TEX15: variants seen among roughly 807,000 people sequenced by gnomAD.
The protein encoded by TEX15 is testis expressed 15, meiosis and synapsis associated, also known as testis-expressed protein 15.
In TEX15, 171 loss-of-function variants were observed where a neutral mutation model predicts 237.3. The ratio of observed to expected loss-of-function variants is 0.72; its 90% confidence interval spans 0.64 to 0.82. The LOEUF is 0.82. Among genes scored for constraint, TEX15 ranks in the 40% least tolerant of loss-of-function variants. The probability of loss-of-function intolerance (pLI) is 0.00; values close to 1 mark genes in which losing one functional copy is unlikely to be tolerated. For synonymous variants in TEX15, 1,338 were observed against 1,269.8 expected (o/e 1.05, Z -1.14); for missense variants, 3,750 against 3,646.5 (o/e 1.03, Z -0.73).
chr8:30,900,428 T>A (rs1165107415), intron 1 of TEX15, among the ~76,000 whole-genome samples: 1 of 152,228 alleles, frequency 6.6e-6, no homozygotes, highest in Admixed American at 6.5e-5. Context: ...ATTAGTAACA[T>A]GAAATATTTA....
chr8:30,910,329 C>T (rs1809191828), intron 1 of TEX15, among the ~76,000 whole-genome samples: 3 of 152,098 alleles, frequency 2.0e-5, no homozygotes, highest in South Asian at 2.1e-4. Context: ...TATACTAAAG[C>T]GGAAATTATC....
chr8:30,852,810 T>C (rs368260673), intron 7 of TEX15, among the ~76,000 whole-genome samples: 3 of 152,128 alleles, frequency 2.0e-5, no homozygotes, highest in East Asian at 3.9e-4. Flanking sequence ...CACTACCAAA[T>C]AGTTATTAGT....
At position 30,912,334 on chromosome 8, in the gene TEX15, T is replaced by TCATAGGAGGC. The variant is rs1440679200; in HGVS notation, c.-86+544_-86+545insGCCTCCTATG. ...AGTTGCGGTCCCGGGGCGGCGGGGC[T>TCATAGGAGGC]CCCGCCCCCTCCCCGCCCCCGCGGA... On this transcript the variant is annotated intron_variant, in intron 1 of 10. Transcript: ENST00000643185. Among the ~76,000 whole-genome samples, 877 of 150,844 alleles carry TCATAGGAGGC rather than the reference T, an allele frequency of 5.8e-3. 10 individuals carry two copies. The highest frequency in any genetic ancestry group is 9.8e-3 in the Non-Finnish European group (660 of 67,572).
chr8:30,864,986 TA>T (rs1445979394), intron 5 of TEX15, among the ~76,000 whole-genome samples: 1 of 151,788 alleles, frequency 6.6e-6, no homozygotes. Context: ...ATACTAAAAT[TA>T]AAAAGCAATG....
chr8:30,846,992 T>C lies in TEX15; in HGVS notation c.3175A>G (p.Ser1059Gly). ...TCTTCTAATTCTATTTCAATTTCACTTTCCAATTCAATGCTCTGAAGAACT... is the reference window on the plus strand; with the variant it reads ...TCTTCTAATTCTATTTCAATTTCACCTTCCAATTCAATGCTCTGAAGAACT... ...NLVLQSIELE[S>G]EIEIELEDCD... is the part of the protein sequence containing the mutation. The change falls in exon 8 of 11, where the codon AGT becomes GGT. Residue 1059 changes from serine to glycine, a missense_variant. Ser to Gly is a moderately conservative substitution (Grantham distance 56). Coordinates refer to ENST00000643185, the MANE Select transcript of TEX15 (RefSeq NM_001350162.2). The C allele has an allele frequency of 6.2e-7, 1 of 1,613,640 alleles. No individual in the cohort carries two copies. The highest frequency in any genetic ancestry group is 8.5e-7 in the Non-Finnish European group (1 of 1,179,670).
At chr8:30,875,531 G>A (rs1808382263) in intron 3 of TEX15, among the ~76,000 whole-genome samples, 1 of 152,218 alleles carries the variant, frequency 6.6e-6, no homozygotes, top group Non-Finnish European at 1.5e-5. Flanking sequence ...GAACATGTGT[G>A]TAAGATGCTG....
rs1292148198 is a variant in TEX15 at position 30,837,465 on chromosome 8, A to T, written c.8819T>A (p.Ile2940Asn). Residue 2940 changes from isoleucine to asparagine, a missense_variant, in exon 10 of 11, where the codon ATC becomes AAC. Ile to Asn is a moderately radical substitution (Grantham distance 149). Coordinates refer to ENST00000643185, the MANE Select transcript of TEX15 (RefSeq NM_001350162.2). ...AGTAGGAATTTTGTTCTGGATACAG[A>T]TGGGTTCTGGAGAAGTCATGCATGA... ...NSSCMTSPEPICIQNKIPTLQ... is the reference protein window; with the variant it reads ...NSSCMTSPEPNCIQNKIPTLQ... 2 of 1,614,096 alleles carry T rather than the reference A, an allele frequency of 1.2e-6. No homozygotes were observed. The highest frequency in any genetic ancestry group is 3.3e-5 in the Admixed American group (2 of 60,022).
intron 3 of TEX15, among the ~76,000 whole-genome samples, chr8:30,884,896 G>C (rs1396767702): frequency 6.6e-6 from 1 of 151,312 alleles, no homozygotes; most frequent in Non-Finnish European, 1.5e-5. Context: ...CTTTTTTCTA[G>C]TTTCCTAAGG....
chr8:30,851,070 C>T (rs1807773733), intron 7 of TEX15, among the ~76,000 whole-genome samples: 1 of 152,190 alleles, frequency 6.6e-6, no homozygotes, highest in Admixed American at 6.5e-5. Context: ...TGACAGTATT[C>T]ATCGATATGT....
chr8:30,907,245 G>T (rs1342751491), intron 1 of TEX15, among the ~76,000 whole-genome samples: 3 of 152,094 alleles, frequency 2.0e-5, no homozygotes, highest in Non-Finnish European at 4.4e-5. Flanking sequence ...AGCATCACAA[G>T]AGTCAAGTTC....
rs1267213416 is a variant in TEX15, at chr8:30,842,658, TG to T, written c.7508del (p.Thr2503LysfsTer8). 1 of 1,612,370 alleles carries T rather than the reference TG, an allele frequency of 6.2e-7. No individual in the cohort carries two copies. Among genetic ancestry groups the T allele is most frequent in the Non-Finnish European group, 8.5e-7 (1 of 1,179,840 alleles). On this transcript the variant is annotated frameshift_variant, in exon 8 of 11. Transcript: ENST00000643185. LOFTEE classifies it high-confidence loss of function. The part of the protein sequence containing the change: ...ASFSFLKDNS[T>X]DVCLWKVIET... The stretch of plus-strand genomic sequence containing the variant: ...CTATCACTTTCCAAAGGCAAACATC[TG>T]TTGAGTTATCTTTAAGAAATGAAAA...
chr8:30,833,164 T>A lies in TEX15; in HGVS notation c.*122A>T. 1.5e-6 allele frequency: 1 copy of A among 660,984 alleles called. No homozygotes were observed. The highest frequency in any genetic ancestry group is 2.6e-6 in the Non-Finnish European group (1 of 382,598). The allele number at this position is 660,984 out of a possible 1,614,324, so 40.9% of individuals were successfully genotyped here. A position where few individuals can be genotyped will look rare whatever the true frequency, so the allele number is the denominator to read the frequency against. ...TATTTGTATATTTTACAAAGGACCA[T>A]ATGATTTATATTTCCTACCACATTT... On this transcript the variant is annotated 3_prime_UTR_variant, in exon 11 of 11. Coordinates refer to ENST00000643185, the MANE Select transcript of TEX15 (RefSeq NM_001350162.2).
chr8:30,837,017 A>T lies in TEX15; in HGVS notation c.9267T>A (p.Ser3089=), dbSNP rs1230776928. Residue 3089 remains serine (S), a synonymous_variant, in exon 10 of 11, where the codon TCT becomes TCA. Transcript: ENST00000643185. ...TVASTAQGTH[S]NLLYSQYFTY... is the part of the protein sequence containing the mutation. The stretch of plus-strand genomic sequence containing the variant: ...TAAAATATTGAGAGTACAGAAGATT[A>T]GAATGTGTGCCCTGGGCAGTACTTG... 3.1e-6 allele frequency: 5 copies of T among 1,614,046 alleles called. No homozygotes were observed. The highest frequency in any genetic ancestry group is 1.3e-5 in the African/African-American group (1 of 74,924).
Position 30,847,846 on chromosome 8 carries a change from G to A in TEX15, c.2321C>T (p.Ala774Val), listed in dbSNP as rs936234701. The change falls in exon 8 of 11, where the codon GCC becomes GTC. Residue 774 changes from alanine to valine, a missense_variant. Transcript: ENST00000643185. ...AACTGTATCAATGAACATTTCTTTGGCCTGGGGTATGTCTTTTGGTTTCGG... is the reference window on the plus strand; with the variant it reads ...AACTGTATCAATGAACATTTCTTTGACCTGGGGTATGTCTTTTGGTTTCGG... ...AFPKPKDIPQ[A>V]KEMFIDTVIS... The A allele has an allele frequency of 8.7e-6, 14 of 1,613,656 alleles. No individual in the cohort carries two copies. The highest frequency in any genetic ancestry group is 1.2e-5 in the Non-Finnish European group (14 of 1,179,924).
At chr8:30,890,925 T>C (rs1244587968) in intron 2 of TEX15, among the ~76,000 whole-genome samples, 1 of 152,222 alleles carries the variant, frequency 6.6e-6, no homozygotes, top group South Asian at 2.1e-4. Flanking sequence ...AAAGATAGTA[T>C]TGTAGTTAAT....
At chr8:30,904,040 CTT>C (rs372466189) in intron 1 of TEX15, among the ~76,000 whole-genome samples, 3,298 of 152,140 alleles carry the variant, frequency 0.022, 111 homozygotes, top group African/African-American at 0.075. Context: ...GGTTATGAGG[CTT>C]TTTAAAAGAC....
chr8:30,894,655 T>C (rs1160047095), intron 2 of TEX15, among the ~76,000 whole-genome samples: 2 of 152,166 alleles, frequency 1.3e-5, no homozygotes, highest in Non-Finnish European at 2.9e-5. Flanking sequence ...TGGATATCCA[T>C]GTGCAAAAGA....
intron 5 of TEX15, among the ~76,000 whole-genome samples, chr8:30,866,409 T>C (rs1808167558): frequency 1.3e-5 from 2 of 151,468 alleles, no homozygotes; most frequent in South Asian, 4.2e-4. Context: ...AAAGGAACAC[T>C]TACCACTGGA....
In TEX15 at chr8:30,831,789, CAT is replaced by C. The variant is rs1807184506; in HGVS notation, c.*1495_*1496del. 6.6e-6 allele frequency: 1 copy of C among 152,168 alleles called. No individual in the cohort carries two copies. Among genetic ancestry groups the C allele is most frequent in the South Asian group, 2.1e-4 (1 of 4,834 alleles). 9.4% of individuals were successfully genotyped at this position (152,168 alleles called of 1,614,324 possible). A position where few individuals can be genotyped will look rare whatever the true frequency, so the allele number is the denominator to read the frequency against. On this transcript the variant is annotated 3_prime_UTR_variant, in exon 11 of 11. Coordinates refer to ENST00000643185, the MANE Select transcript of TEX15 (RefSeq NM_001350162.2). ...GCTGTAACATCTTGCCATAACCAAA[CAT>C]AAACCAAATGACTGAGGGAAACATA...
Sources: gnomAD v4.1 joint callset for allele counts (sites outside exome capture counted in the v4.1 genomes callset) on GRCh38, gnomAD v4.1.1 for gene constraint, MANE v1.5 for transcripts, NCBI Gene and HGNC (gene_info 2026-07-23, HGNC 2026-07-21) for gene names.